FAM20C: variants seen among roughly 807,000 people sequenced by gnomAD.
The protein encoded by FAM20C is FAM20C golgi associated secretory pathway kinase.
Under a neutral mutation model 51.5 loss-of-function variants are expected in FAM20C, and 40 were observed. The observed-to-expected ratio is 0.78, with a 90% CI of 0.60 to 1.01. The LOEUF (loss-of-function observed/expected upper bound fraction) is 1.01, where lower values mean the gene tolerates loss of function less well. Among genes scored for constraint, FAM20C ranks in the 50% least tolerant of loss-of-function variants. The pLI is 0.00. For synonymous variants in FAM20C, 406 were observed against 380.6 expected (o/e 1.07, Z -0.78); for missense variants, 861 against 844.7 (o/e 1.02, Z -0.24).
Position 202,453 on chromosome 7 carries a change from G to A in FAM20C, c.785-6445G>A, listed in dbSNP as rs190017916. Reference sequence around the variant, plus strand: ...TGGGATTGTACTGGGGAATGGGGGGGCGCTATGGATATCTTCCCATGTGCA... The same window carrying A: ...TGGGATTGTACTGGGGAATGGGGGGACGCTATGGATATCTTCCCATGTGCA... On this transcript the variant is annotated intron_variant, in intron 2 of 9. Coordinates refer to ENST00000313766, the MANE Select transcript of FAM20C (RefSeq NM_020223.4). Among the ~76,000 whole-genome samples, 562 of 134,966 alleles carry A rather than the reference G, an allele frequency of 4.2e-3. 9 individuals are homozygous for A. Among genetic ancestry groups the A allele is most frequent in the African/African-American group, 0.014 (492 of 34,916 alleles). The allele number at this position is 134,966 out of a possible 152,430, so 88.5% of individuals were successfully genotyped here.
At chr7:242,195 C>T (rs957513312) in intron 3 of FAM20C, among the ~76,000 whole-genome samples, 1 of 152,206 alleles carries the variant, frequency 6.6e-6, no homozygotes, top group Admixed American at 6.5e-5. Context: ...TGTGCCCGTC[C>T]CGCAACAGCT....
chr7:258,547 C>A, intron 8 of FAM20C, 99 bp from the exon 9 acceptor site: 1 of 1,201,692 alleles, frequency 8.3e-7, no homozygotes, highest in Non-Finnish European at 1.2e-6. Flanking sequence ...CCTGGGGTGT[C>A]GGGTACAGGC....
At chr7:257,447 C>A (rs898588383) in intron 8 of FAM20C, 2 of 219,716 alleles carry the variant, frequency 9.1e-6, no homozygotes, top group Admixed American at 1.1e-4. Flanking sequence ...GGGGGATAGG[C>A]GGCCTCTGCG....
intron 5 of FAM20C, among the ~76,000 whole-genome samples, chr7:252,124 A>G (rs1481283477): frequency 5.3e-5 from 8 of 152,222 alleles, no homozygotes; most frequent in Admixed American, 5.2e-4. Context: ...TGTGTCTCCC[A>G]ACCACAGATG....
At chr7:228,916 G>A in intron 3 of FAM20C, 1 of 418,688 alleles carries the variant, frequency 2.4e-6, no homozygotes, top group Non-Finnish European at 4.9e-6. Context: ...AGCACTGGGA[G>A]CCCCTTCCAA....
In FAM20C at chr7:256,476, G is replaced by T. The variant is rs1788593875; in HGVS notation, c.1254-178G>T. On this transcript the variant is annotated intron_variant, in intron 6 of 9. Transcript: ENST00000313766. ...GGTCACCCCGAGGCAGGGCAGAGCGGCTCCGTCCCCTCCCACACCCGTGCT... is the reference window on the plus strand; with the variant it reads ...GGTCACCCCGAGGCAGGGCAGAGCGTCTCCGTCCCCTCCCACACCCGTGCT... 27 of 622,490 alleles carry T rather than the reference G, an allele frequency of 4.3e-5. 2 individuals are homozygous for T. Among genetic ancestry groups the T allele is most frequent in the South Asian group, 4.0e-4 (21 of 53,100 alleles). 38.6% of individuals were successfully genotyped at this position (622,490 alleles called of 1,614,324 possible). A position where few individuals can be genotyped will look rare whatever the true frequency, so the allele number is the denominator to read the frequency against.
intron 7 of FAM20C, 121 bp downstream of exon 7, chr7:256,884 G>C (rs1214285541): frequency 5.0e-6 from 7 of 1,406,712 alleles, no homozygotes; most frequent in South Asian, 1.2e-5. Flanking sequence ...GCCTGTGAAG[G>C]GGCCAGATTG....
intron 3 of FAM20C, among the ~76,000 whole-genome samples, chr7:209,303 C>T (rs898280918): frequency 2.6e-5 from 4 of 152,242 alleles, no homozygotes; most frequent in South Asian, 2.1e-4. Flanking sequence ...GAAGAGGTGA[C>T]GTCCGCACCT....
intron 3 of FAM20C, among the ~76,000 whole-genome samples, chr7:232,931 G>T (rs1442011362): frequency 6.6e-6 from 1 of 152,244 alleles, no homozygotes; most frequent in African/African-American, 2.4e-5. Context: ...CTCTGGGCCT[G>T]CAGCCCCAGC....
At chr7:207,560 C>T (rs1786484492) in intron 2 of FAM20C, among the ~76,000 whole-genome samples, 1 of 152,218 alleles carries the variant, frequency 6.6e-6, no homozygotes, top group African/African-American at 2.4e-5. Context: ...GCCCCGCTTC[C>T]CTCTTCCCCT....
At chr7:207,279 T>G (rs796136037) in intron 2 of FAM20C, among the ~76,000 whole-genome samples, 245 of 21,986 alleles carry the variant, frequency 0.011, 24 homozygotes, top group Non-Finnish European at 0.015. Flanking sequence ...CGTCGGTCAC[T>G]GTCCCCTCGG....
chr7:214,063 C>T (rs895704432), intron 3 of FAM20C, among the ~76,000 whole-genome samples: 4 of 152,176 alleles, frequency 2.6e-5, no homozygotes, highest in African/African-American at 4.8e-5. Context: ...CAGTAGCTCA[C>T]GCCTGTAATC....
chr7:193,406 G>A lies in FAM20C; in HGVS notation c.207G>A (p.Glu69=). 2.1e-6 allele frequency: 3 copies of A among 1,405,602 alleles called. No individual in the cohort carries two copies. The highest frequency in any genetic ancestry group is 2.8e-6 in the Non-Finnish European group (3 of 1,067,974). 87.1% of individuals were successfully genotyped at this position (1,405,602 alleles called of 1,614,324 possible). The change falls in exon 1 of 10, where the codon GAG becomes GAA. Residue 69 remains glutamate, a synonymous_variant. Coordinates refer to ENST00000313766, the MANE Select transcript of FAM20C (RefSeq NM_020223.4). ...CCCAGGTTCGGGGCCGCCCCGGGGAGCCCCCGGCCGCCTCCTCCGCCGCCG... is the reference window on the plus strand; with the variant it reads ...CCCAGGTTCGGGGCCGCCCCGGGGAACCCCCGGCCGCCTCCTCCGCCGCCG... ...GWAQVRGRPG[E]PPAASSAAGD... is the part of the protein sequence containing the mutation.
intron 5 of FAM20C, among the ~76,000 whole-genome samples, chr7:253,362 G>A (rs992642751): frequency 3.3e-5 from 5 of 152,186 alleles, no homozygotes; most frequent in South Asian, 2.1e-4. Context: ...AGCCATCTTC[G>A]TCCTTGCCAG....
In FAM20C at chr7:258,671, C is replaced by T; in HGVS notation, c.1471C>T (p.Leu491Phe). 2 of 1,536,730 alleles carry T rather than the reference C, an allele frequency of 1.3e-6. No individual in the cohort carries two copies. Among genetic ancestry groups the T allele is most frequent in the Non-Finnish European group, 1.7e-6 (2 of 1,146,542 alleles). The change falls in exon 9 of 10, where the codon CTC becomes TTC. Residue 491 changes from leucine to phenylalanine, a missense_variant. This residue lies in a region of FAM20C where 269 missense variants were observed against 283.8 expected (regional missense o/e 0.95). Transcript: ENST00000313766. Reference protein sequence around the residue: ...RGFGKYSHDELSILVPLQQCC... With the variant: ...RGFGKYSHDEFSILVPLQQCC... ...GTTTGGGAAGTATTCGCACGACGAG[C>T]TCTCCATCCTGGTGCCGCTACAGCA...
intron 2 of FAM20C, among the ~76,000 whole-genome samples, chr7:206,083 T>C (rs903148955): frequency 1.3e-5 from 2 of 152,022 alleles, no homozygotes; most frequent in Admixed American, 6.6e-5. Context: ...AGCCGTGAGG[T>C]CCCTGGAGCG....
intron 5 of FAM20C, among the ~76,000 whole-genome samples, chr7:252,964 C>T (rs1788457249): frequency 6.6e-6 from 1 of 152,266 alleles, no homozygotes; most frequent in African/African-American, 2.4e-5. Context: ...GGTGAGCGCC[C>T]CCAGGACCAG....
At chr7:211,797 C>A (rs1232529003) in intron 3 of FAM20C, among the ~76,000 whole-genome samples, 1 of 152,214 alleles carries the variant, frequency 6.6e-6, no homozygotes, top group Non-Finnish European at 1.5e-5. Context: ...CGTCCAAGGC[C>A]GTGGCGTCCA....
chr7:206,577 A>G (rs62430281), intron 2 of FAM20C, among the ~76,000 whole-genome samples: 6,366 of 30,526 alleles, frequency 0.21, 887 homozygotes, highest in African/African-American at 0.34. Flanking sequence ...CTGTCCCCTC[A>G]GCCCCGCACA....
Sources: allele counts gnomAD v4.1 joint callset (sites outside exome capture counted in the v4.1 genomes callset), GRCh38; gene constraint gnomAD v4.1.1; regional missense constraint gnomAD v4.1.1; transcripts MANE v1.5; gene names NCBI Gene and HGNC (gene_info 2026-07-23, HGNC 2026-07-21).